Variants in TJP2 observed in about 807,000 individuals in gnomAD.
The protein encoded by TJP2 is Friedreich ataxia region gene X104 (tight junction protein ZO-2).
Under a neutral mutation model 133.1 loss-of-function variants are expected in TJP2, and 91 were observed. That is an observed-to-expected ratio of 0.68 (90% CI 0.58 to 0.81). The LOEUF is 0.81. Ranked by LOEUF, TJP2 falls within the 40% of genes least tolerant of loss-of-function variation. The probability of loss-of-function intolerance (pLI) is 0.00; values close to 1 mark genes in which losing one functional copy is unlikely to be tolerated. For missense variants in TJP2, 1,541 were observed against 1,565.6 expected, an observed-to-expected ratio of 0.98 and a Z score of 0.26; for synonymous variants, 592 against 583.4, an observed-to-expected ratio of 1.01 and a Z score of -0.21.
Position 69,251,057 on chromosome 9 carries a change from A to G in TJP2, c.3014A>G (p.Glu1005Gly), listed in dbSNP as rs771346984. Residue 1005 changes from glutamate (E) to glycine (G), a missense_variant, in exon 21 of 23, where the codon GAA becomes GGA. By Grantham distance (98) the Glu-to-Gly change is moderately conservative. Coordinates refer to ENST00000377245, the MANE Select transcript of TJP2 (RefSeq NM_004817.4). ...PPKAKTQNKE[E>G]SYDFSKSYEY... The stretch of plus-strand genomic sequence containing the variant: ...CAGGCCAAAACCCAGAACAAAGAAG[A>G]ATCCTATGACTTCTCCAAATCCTAT... 79 of 1,614,050 alleles carry G rather than the reference A, an allele frequency of 4.9e-5. No individual in the cohort carries two copies. Among genetic ancestry groups the G allele is most frequent in the Non-Finnish European group, 6.3e-5 (74 of 1,180,028 alleles).
intron 11 of TJP2, among the ~76,000 whole-genome samples, chr9:69,233,081 AG>A (rs1267646947): frequency 1.3e-5 from 2 of 152,246 alleles, no homozygotes; most frequent in African/African-American, 4.8e-5. Context: ...GGCACAAGAA[AG>A]GATACCAAAA....
At chr9:69,196,522 T>A (rs942042712) in intron 1 of TJP2, among the ~76,000 whole-genome samples, 1 of 152,124 alleles carries the variant, frequency 6.6e-6, no homozygotes, top group East Asian at 1.9e-4. Flanking sequence ...CAAGGAGAAA[T>A]TAAGTAACTC....
chr9:69,211,227 C>T (rs1427064409), intron 1 of TJP2, among the ~76,000 whole-genome samples: 8 of 152,274 alleles, frequency 5.3e-5, no homozygotes, highest in East Asian at 3.9e-4. Context: ...ATCCTAGCTA[C>T]CCAGGAGACT....
intron 2 of TJP2, among the ~76,000 whole-genome samples, chr9:69,169,036 G>A (rs1009915239): frequency 6.6e-6 from 1 of 151,874 alleles, no homozygotes; most frequent in Admixed American, 6.6e-5. Flanking sequence ...GGAAGTGGGG[G>A]CGGGGACGGG....
intron 2 of TJP2, among the ~76,000 whole-genome samples, chr9:69,214,664 C>G (rs777268523): frequency 6.6e-6 from 1 of 151,976 alleles, no homozygotes; most frequent in Non-Finnish European, 1.5e-5. Context: ...GTCAGGAGAT[C>G]GAGACCATCC....
At chr9:69,131,179 T>G (rs1320386608) in intron 1 of TJP2, among the ~76,000 whole-genome samples, 1 of 152,222 alleles carries the variant, frequency 6.6e-6, no homozygotes, top group Non-Finnish European at 1.5e-5. Context: ...CAAGATTTCT[T>G]TGTGCGAGGA....
intron 2 of TJP2, among the ~76,000 whole-genome samples, chr9:69,156,362 A>C (rs982472878): frequency 7.9e-5 from 12 of 151,588 alleles, no homozygotes; most frequent in South Asian, 6.3e-4. Context: ...ACTCTGTCCC[A>C]AAAAAAAAGA....
chr9:69,148,423 G>A (rs1823315097), intron 1 of TJP2, among the ~76,000 whole-genome samples: 1 of 147,068 alleles, frequency 6.8e-6, no homozygotes, highest in Admixed American at 6.8e-5. Context: ...CCAGGAGGCT[G>A]GAGTACAGTG....
intron 1 of TJP2, among the ~76,000 whole-genome samples, chr9:69,203,699 C>T (rs914678641): frequency 6.8e-5 from 10 of 147,186 alleles, no homozygotes; most frequent in East Asian, 4.1e-4. Flanking sequence ...CTGCAACCTC[C>T]GCCTCCTGGG....
At chr9:69,134,861 C>T (rs1822655375) in intron 1 of TJP2, among the ~76,000 whole-genome samples, 1 of 151,964 alleles carries the variant, frequency 6.6e-6, no homozygotes, top group African/African-American at 2.4e-5. Context: ...CTTTTCCTGG[C>T]TTGCAGACAG....
chr9:69,143,802 T>C (rs943263241), intron 1 of TJP2, among the ~76,000 whole-genome samples: 2 of 152,182 alleles, frequency 1.3e-5, no homozygotes, highest in Admixed American at 6.5e-5. Context: ...TAGGGAGTAG[T>C]TGAAGGGTTA....
intron 17 of TJP2, among the ~76,000 whole-genome samples, chr9:69,244,730 G>A (rs1446976520): frequency 1.3e-5 from 2 of 152,230 alleles, no homozygotes; most frequent in African/African-American, 4.8e-5. Context: ...CTGTTAAAAA[G>A]AGGTCAAGTG....
At chr9:69,164,535 C>T (rs1410481598) in intron 2 of TJP2, among the ~76,000 whole-genome samples, 1 of 152,156 alleles carries the variant, frequency 6.6e-6, no homozygotes, top group Admixed American at 6.5e-5. Context: ...GCATTTGAAT[C>T]AAGGATTCTC....
intron 2 of TJP2, among the ~76,000 whole-genome samples, chr9:69,169,057 A>C (rs964881503): frequency 6.6e-6 from 1 of 152,048 alleles, no homozygotes; most frequent in South Asian, 2.1e-4. Context: ...GGAGGACACA[A>C]GGCCTTTACT....
chr9:69,220,831 T>G, intron 4 of TJP2, 56 bp from the exon 5 acceptor site: 1 of 1,562,352 alleles, frequency 6.4e-7, no homozygotes, highest in Non-Finnish European at 8.8e-7. Flanking sequence ...ACCACTGCCT[T>G]CTCCACATTC....
At chr9:69,164,990 C>T (rs1303997284) in intron 2 of TJP2, among the ~76,000 whole-genome samples, 4 of 152,110 alleles carry the variant, frequency 2.6e-5, no homozygotes, top group African/African-American at 7.2e-5. Flanking sequence ...TCATTACGCC[C>T]GGCTAATTTT....
chr9:69,206,727 GC>G (rs1827445397), intron 1 of TJP2, among the ~76,000 whole-genome samples: 2 of 151,992 alleles, frequency 1.3e-5, no homozygotes, highest in African/African-American at 4.8e-5. Context: ...ACAGGTGCCT[GC>G]CACCACACCT....
At chr9:69,164,047 C>T (rs143398581) in intron 2 of TJP2, among the ~76,000 whole-genome samples, 53 of 152,262 alleles carry the variant, frequency 3.5e-4, no homozygotes, top group Middle Eastern at 3.4e-3. Context: ...AAATTTAGGA[C>T]ACTGTCTTAT....
intron 1 of TJP2, among the ~76,000 whole-genome samples, chr9:69,194,796 A>T (rs1481917391): frequency 6.6e-6 from 1 of 152,180 alleles, no homozygotes; most frequent in Non-Finnish European, 1.5e-5. Context: ...CAGTAGGTCC[A>T]AGTTAGGGCT....
Sources: allele counts gnomAD v4.1 joint callset (sites outside exome capture counted in the v4.1 genomes callset), GRCh38; gene constraint gnomAD v4.1.1; transcripts MANE v1.5; gene names NCBI Gene and HGNC (gene_info 2026-07-23, HGNC 2026-07-21).